PPP6R2: variants seen among roughly 807,000 people sequenced by gnomAD.
PPP6R2 encodes the protein serine/threonine-protein phosphatase 6 regulatory subunit 2.
In PPP6R2, 62 loss-of-function variants were observed where a neutral mutation model predicts 100.2. That is an observed-to-expected ratio of 0.62 (90% CI 0.50 to 0.76). The LOEUF is 0.76. PPP6R2 is among the 30% of genes least tolerant of loss of function. PPP6R2 has a pLI of 0.00. For missense variants in PPP6R2, 1,142 were observed against 1,276.3 expected, an observed-to-expected ratio of 0.89 and a Z score of 1.60; for synonymous variants, 525 against 514.7, an observed-to-expected ratio of 1.02 and a Z score of -0.27.
intron 15 of PPP6R2, 26 bp from the exon 16 acceptor site, chr22:50,437,480 T>TCCCGGCC: frequency 1.4e-6 from 1 of 728,390 alleles, no homozygotes; most frequent in Non-Finnish European, 2.5e-6. Context: ...TGTCTGTCCG[T>TCCCGGCC]CCCTCCCTCC....
At chr22:50,358,202 A>G (rs1012264978) in intron 1 of PPP6R2, among the ~76,000 whole-genome samples, 6 of 151,992 alleles carry the variant, frequency 3.9e-5, no homozygotes, top group African/African-American at 1.5e-4. Context: ...GTGATCCTCC[A>G]CCTTTAGCCT....
chr22:50,436,376 C>T lies in PPP6R2; in HGVS notation c.1526C>T (p.Ala509Val), dbSNP rs374736578. 1.0e-5 allele frequency: 16 copies of T among 1,576,684 alleles called. No individual in the cohort carries two copies. The highest frequency in any genetic ancestry group is 4.7e-5 in the South Asian group (4 of 85,842). ...AGCACTTCCCTTGCAGGGCTCCCTG[C>T]GGACTGCCGTGGCCGCTGGGAGAGC... The part of the protein sequence containing the change: ...HISEVIRGLP[A>V]DCRGRWESFV... The change falls in exon 14 of 24, where the codon GCG (alanine) becomes GTG (valine). Residue 509 changes from alanine to valine, a missense_variant. This residue lies in a region of PPP6R2 where 592 missense variants were observed against 758.9 expected (regional missense o/e 0.78). Transcript: ENST00000612753.
chr22:50,332,948 C>A, the PPP6R2 span, among the ~76,000 whole-genome samples: 1 of 152,078 alleles, frequency 6.6e-6, no homozygotes, highest in Non-Finnish European at 1.5e-5. Context: ...TATAGATAAT[C>A]AGTTTTTCCA....
chr22:50,430,961 A>C (rs1206761154), intron 10 of PPP6R2, among the ~76,000 whole-genome samples: 1 of 152,102 alleles, frequency 6.6e-6, no homozygotes, highest in Non-Finnish European at 1.5e-5. Context: ...ACCCACAGGC[A>C]GGAGGCAGAA....
At chr22:50,377,008 C>T (rs2051742801) in intron 2 of PPP6R2, among the ~76,000 whole-genome samples, 1 of 151,950 alleles carries the variant, frequency 6.6e-6, no homozygotes, top group Admixed American at 6.6e-5. Flanking sequence ...GCCTGGGCAA[C>T]AGAGCGAGAC....
chr22:50,419,204 T>G, intron 7 of PPP6R2, 145 bp from the exon 8 acceptor site: 1 of 754,070 alleles, frequency 1.3e-6, no homozygotes, highest in Admixed American at 2.5e-5. Context: ...GCAGCAGGAG[T>G]GTCCTGAGAA....
At chr22:50,416,301 C>A in intron 6 of PPP6R2, 144 bp downstream of exon 6, 1 of 648,490 alleles carries the variant, frequency 1.5e-6, no homozygotes, top group South Asian at 2.3e-5. Flanking sequence ...TTTCTTTAAT[C>A]AAGCACTGAC....
In PPP6R2 at chr22:50,406,609, A is replaced by G. The variant is rs922543699; in HGVS notation, c.228-80A>G. On this transcript the variant is annotated intron_variant, in intron 3 of 23. Transcript: ENST00000612753. ...TTTGATCACGTGGGTCTGCTTCCTA[A>G]GAAGCAGACTATGTAAGCAGCTTCC... The G allele has an allele frequency of 3.7e-6, 5 of 1,339,824 alleles. No homozygotes were observed. The African/African-American group carries it at 7.3e-5, about 20-fold the overall frequency. 83.0% of individuals were successfully genotyped at this position (1,339,824 alleles called of 1,614,324 possible). A position where few individuals can be genotyped will look rare whatever the true frequency, so the allele number is the denominator to read the frequency against.
intron 8 of PPP6R2, among the ~76,000 whole-genome samples, chr22:50,420,852 C>T (rs758466483): frequency 5.1e-4 from 78 of 152,334 alleles, no homozygotes; most frequent in African/African-American, 1.6e-3. Flanking sequence ...CCCCACATGC[C>T]GGCAGGAACC....
Position 50,431,172 on chromosome 22 carries a change from G to C in PPP6R2, c.1126-1G>C. 6.2e-7 allele frequency: 1 copy of C among 1,607,964 alleles called. No individual in the cohort carries two copies. The highest frequency in any genetic ancestry group is 8.5e-7 in the Non-Finnish European group (1 of 1,174,832). Reference sequence around the variant, plus strand: ...CTGTCTTCTGTCCTCTGTTTACCCAGGACTTGTTCTTTAAGTACACCTGGA... The same window carrying C: ...CTGTCTTCTGTCCTCTGTTTACCCACGACTTGTTCTTTAAGTACACCTGGA... On this transcript the variant is annotated splice_acceptor_variant, in intron 10 of 23. Transcript: ENST00000612753. LOFTEE classifies it high-confidence loss of function. The surrounding 1 kb of genome is among the most constrained non-coding windows in gnomAD (Gnocchi z 4.8).
At chr22:50,374,717 C>A (rs765497344) in intron 2 of PPP6R2, among the ~76,000 whole-genome samples, 1 of 151,796 alleles carries the variant, frequency 6.6e-6, no homozygotes, top group Non-Finnish European at 1.5e-5. Context: ...AGATTGAGAC[C>A]ATCTTTGCTA....
intron 2 of PPP6R2, among the ~76,000 whole-genome samples, chr22:50,381,432 TCACACGGGCCCCACCTCAGCAC>T: frequency 3.4e-5 from 1 of 29,174 alleles, no homozygotes; most frequent in Admixed American, 2.9e-4. Flanking sequence ...CACCTCAGCA[TCACACGGGCCCCACCTCAGCAC>T]CACACGGGCC....
chr22:50,442,631 C>A (rs1042449417), intron 22 of PPP6R2, among the ~76,000 whole-genome samples: 3 of 152,112 alleles, frequency 2.0e-5, no homozygotes, highest in Non-Finnish European at 4.4e-5. Flanking sequence ...CTCCCTGCAA[C>A]CTCCGCCTCC....
intron 21 of PPP6R2, 134 bp downstream of exon 21, chr22:50,440,183 G>A (rs1409789061): frequency 1.2e-6 from 1 of 824,134 alleles, no homozygotes; most frequent in South Asian, 1.8e-5. Context: ...GTGACATTGG[G>A]GTTTGATACA....
chr22:50,438,649 G>T lies in PPP6R2; in HGVS notation c.2015G>T (p.Arg672Leu). 3 of 1,614,074 alleles carry T rather than the reference G, an allele frequency of 1.9e-6. No individual in the cohort carries two copies. Among genetic ancestry groups the T allele is most frequent in the African/African-American group, 2.7e-5 (2 of 75,062 alleles). ...AGTTGCTCAAAGAATGGCCCAGAGC[G>T]TGGAGGCCAGGATGGGAAGGCGAGC... ...SESCSKNGPE[R>L]GGQDGKASLE... Residue 672 changes from arginine (R) to leucine (L), a missense_variant, in exon 19 of 24, where the codon CGT (arginine) becomes CTT (leucine). Around this residue, in one of 2 missense-constraint regions of PPP6R2, gnomAD observed 550 missense variants for 517.4 expected, o/e 1.06. Coordinates refer to ENST00000612753, the MANE Select transcript of PPP6R2 (RefSeq NM_001242898.2).
At position 50,366,407 on chromosome 22, in the gene PPP6R2, A is replaced by G. The variant is rs555266014; in HGVS notation, c.-147-5613A>G. ...CTCACTGCAGCCTCCGGGTTCAAGC[A>G]GTTCTCCTTCCTCAGCCTCCCCAGT... On this transcript the variant is annotated intron_variant, in intron 1 of 23. Coordinates refer to ENST00000612753, the MANE Select transcript of PPP6R2 (RefSeq NM_001242898.2). 6.6e-5 allele frequency among the ~76,000 whole-genome samples: 10 copies of G among 151,044 alleles called. No individual in the cohort carries two copies. In the East Asian group the frequency reaches 2.0e-3, roughly 29 times the overall value.
chr22:50,401,299 C>CT (rs1556041596), intron 3 of PPP6R2, among the ~76,000 whole-genome samples: 4 of 149,982 alleles, frequency 2.7e-5, no homozygotes, highest in East Asian at 2.0e-4. Flanking sequence ...CCTTCACCTC[C>CT]GGGTTCACGC....
In PPP6R2 at chr22:50,362,117, T is replaced by C. The variant is rs143237891; in HGVS notation, c.-147-9903T>C. Among the ~76,000 whole-genome samples the C allele has an allele frequency of 7.8e-4, 119 of 152,262 alleles. 1 individual carries two copies. The East Asian group carries it at 9.7e-3, about 12-fold the overall frequency. On this transcript the variant is annotated intron_variant, in intron 1 of 23. Transcript: ENST00000612753. ...TCTCTGGCTGCCTGGAGGGTCTGCA[T>C]TGGGCTCCAGGAAGGGGAGGAGTCG...
chr22:50,437,682 G>T, intron 16 of PPP6R2, 79 bp downstream of exon 16: 1 of 1,438,320 alleles, frequency 7.0e-7, no homozygotes, highest in Non-Finnish European at 9.7e-7. Flanking sequence ...GCTCCCTGAG[G>T]TCTTGCCGGG....
Sources: gnomAD v4.1 joint callset for allele counts (sites outside exome capture counted in the v4.1 genomes callset) on GRCh38, gnomAD v4.1.1 for gene constraint, gnomAD v4.1.1 regional missense constraint, Gnocchi (gnomAD v3.1) non-coding constraint, MANE v1.5 for transcripts, NCBI Gene and HGNC (gene_info 2026-07-23, HGNC 2026-07-21) for gene names.